The following ARID1A variants were observed in gnomAD, a reference collection of about 807,000 sequenced individuals.
ARID1A encodes the protein AT-rich interactive domain-containing protein 1A.
Under a neutral mutation model 212.6 loss-of-function variants are expected in ARID1A, and 20 were observed. That is an observed-to-expected ratio of 0.09 (90% CI 0.07 to 0.14). The LOEUF (loss-of-function observed/expected upper bound fraction) is 0.14. Among genes scored for constraint, ARID1A ranks in the 10% least tolerant of loss-of-function variants. The pLI is 1.00. For synonymous variants in ARID1A, 1,376 were observed against 1,222.1 expected, an observed-to-expected ratio of 1.13 and a Z score of -2.63; for missense variants, 2,587 against 3,059.0, an observed-to-expected ratio of 0.85 and a Z score of 3.64.
At chr1:26,739,758 C>CCCT (rs1385875903) in intron 4 of ARID1A, among the ~76,000 whole-genome samples, 4 of 152,148 alleles carry the variant, frequency 2.6e-5, no homozygotes, top group Non-Finnish European at 5.9e-5. Flanking sequence ...ATCACTGGAT[C>CCCT]CCTTCCTTTA....
rs1002119988 is a variant in ARID1A at position 26,781,974 on chromosome 1, T to C, written c.*1218T>C. 3 of 233,580 alleles carry C rather than the reference T, an allele frequency of 1.3e-5. No homozygotes were observed. Among genetic ancestry groups the C allele is most frequent in the Non-Finnish European group, 2.5e-5 (3 of 117,988 alleles). 14.5% of individuals were successfully genotyped at this position (233,580 alleles called of 1,614,324 possible). On this transcript the variant is annotated 3_prime_UTR_variant, in exon 20 of 20. Transcript: ENST00000324856. ...AATCTGCATATTTGTATTTCAACAATGTAGCTAAAACTTGATGTAAATTCC... is the reference window on the plus strand; with the variant it reads ...AATCTGCATATTTGTATTTCAACAACGTAGCTAAAACTTGATGTAAATTCC...
At chr1:26,749,227 A>G (rs1037085517) in intron 4 of ARID1A, among the ~76,000 whole-genome samples, 1 of 152,108 alleles carries the variant, frequency 6.6e-6, no homozygotes, top group Non-Finnish European at 1.5e-5. Context: ...TGTCTTGTGG[A>G]CTGCCCCGTG....
chr1:26,706,503 T>C (rs2080393527), intron 1 of ARID1A, among the ~76,000 whole-genome samples: 1 of 152,234 alleles, frequency 6.6e-6, no homozygotes, highest in Non-Finnish European at 1.5e-5. Flanking sequence ...CACAACGTGC[T>C]TGCCGGGCAT....
At chr1:26,767,725 C>T (rs2124085361) in intron 10 of ARID1A, 65 bp from the exon 11 acceptor site, 1 of 1,451,662 alleles carries the variant, frequency 6.9e-7, no homozygotes, top group South Asian at 1.3e-5. Context: ...CAAGAGACTT[C>T]TGAGACCCTT....
At chr1:26,705,625 A>G (rs2080384627) in intron 1 of ARID1A, among the ~76,000 whole-genome samples, 1 of 152,206 alleles carries the variant, frequency 6.6e-6, no homozygotes, top group African/African-American at 2.4e-5. Flanking sequence ...TATGGATTAC[A>G]GGTGTTTAGG....
chr1:26,747,176 C>T lies in ARID1A; in HGVS notation c.1921-13680C>T, dbSNP rs1256622577. Reference sequence around the variant, plus strand: ...ATGAAATCGATATGTATTCTGTTGCCATCCCTCTGGGGACCAGTGCTTGGT... The same window carrying T: ...ATGAAATCGATATGTATTCTGTTGCTATCCCTCTGGGGACCAGTGCTTGGT... On this transcript the variant is annotated intron_variant, in intron 4 of 19. Transcript: ENST00000324856. 2.0e-5 allele frequency among the ~76,000 whole-genome samples: 3 copies of T among 152,324 alleles called. No individual in the cohort carries two copies. In the East Asian group the frequency reaches 5.8e-4, roughly 29 times the overall value.
intron 11 of ARID1A, chr1:26,770,580 A>T (rs909892538): frequency 2.0e-5 from 3 of 153,298 alleles, no homozygotes; most frequent in Admixed American, 1.3e-4. Context: ...CAACATGGTG[A>T]AACCCCGTCT....
At chr1:26,764,374 T>C (rs1234595744) in intron 8 of ARID1A, 1 of 151,982 alleles carries the variant, frequency 6.6e-6, no homozygotes, top group East Asian at 1.9e-4. Context: ...TTAACTTCTA[T>C]CAGTCAACTT....
intron 1 of ARID1A, among the ~76,000 whole-genome samples, chr1:26,727,371 C>T (rs1454914158): frequency 2.0e-5 from 3 of 152,072 alleles, no homozygotes; most frequent in Admixed American, 2.0e-4. Flanking sequence ...CATAATAAGC[C>T]ACTAGCCACA....
In ARID1A at chr1:26,779,572, A is replaced by G. The variant is rs1447138233; in HGVS notation, c.5674A>G (p.Thr1892Ala). 1 of 1,614,132 alleles carries G rather than the reference A, an allele frequency of 6.2e-7. No homozygotes were observed. The highest frequency in any genetic ancestry group is 2.2e-5 in the East Asian group (1 of 44,868). Residue 1892 changes from threonine to alanine, a missense_variant, in exon 20 of 20, where the codon ACA (threonine) becomes GCA (alanine). By Grantham distance (58) the Thr-to-Ala change is moderately conservative. Transcript: ENST00000324856. Reference protein sequence around the residue: ...VTTAEGTPGTTDQEGPPPDGP... With the variant: ...VTTAEGTPGTADQEGPPPDGP... ...AACAGCAGAGGGTACACCAGGGACA[A>G]CAGACCAGGAGGGGCCCCCACCTGA... is the stretch of plus-strand genomic sequence containing the variant.
chr1:26,710,619 A>G (rs2080444549), intron 1 of ARID1A, among the ~76,000 whole-genome samples: 1 of 151,942 alleles, frequency 6.6e-6, no homozygotes. Context: ...GGTCCTGTTA[A>G]GAAGCACAGA....
chr1:26,714,294 C>G (rs1025825564), intron 1 of ARID1A, among the ~76,000 whole-genome samples: 1 of 138,064 alleles, frequency 7.2e-6, no homozygotes, highest in Non-Finnish European at 1.6e-5. Context: ...TACCAGCATA[C>G]TTTTGGAACT....
intron 1 of ARID1A, among the ~76,000 whole-genome samples, chr1:26,708,311 G>A (rs1167099926): frequency 9.9e-6 from 1 of 101,068 alleles, no homozygotes; most frequent in Non-Finnish European, 1.8e-5. Flanking sequence ...TTGAGACGGA[G>A]TCTTGCACTG....
At position 26,780,477 on chromosome 1, in the gene ARID1A, C is replaced by T. The variant is rs2081180881; in HGVS notation, c.6579C>T (p.Gly2193=). The change falls in exon 20 of 20, where the codon GGC becomes GGT. Residue 2193 remains glycine, a synonymous_variant. Transcript: ENST00000324856. This position sits in a 1 kb window ranked among gnomAD's most constrained non-coding sequence, Gnocchi z 7.2. ...TTGCAGTGCAGAAGGGCAGTATCGG[C>T]AACCTCCTGGGCTTCCTAGAGGACA... ...RAIAVQKGSI[G]NLLGFLEDSL... is the part of the protein sequence containing the mutation. 1 of 1,614,128 alleles carries T rather than the reference C, an allele frequency of 6.2e-7. No individual in the cohort carries two copies. Among genetic ancestry groups the T allele is most frequent in the African/African-American group, 1.3e-5 (1 of 74,946 alleles).
At position 26,696,184 on chromosome 1, in the gene ARID1A, C is replaced by T; in HGVS notation, c.-220C>T. On this transcript the variant is annotated 5_prime_UTR_variant, in exon 1 of 20. Coordinates refer to ENST00000324856, the MANE Select transcript of ARID1A (RefSeq NM_006015.6). Reference sequence around the variant, plus strand: ...GCAGCTGAGCCGCCGGCGCCTCGGCCGCCGCCGCCGCCTCCTCCTCCTCCG... The same window carrying T: ...GCAGCTGAGCCGCCGGCGCCTCGGCTGCCGCCGCCGCCTCCTCCTCCTCCG... 1.6e-6 allele frequency: 1 copy of T among 619,032 alleles called. No homozygotes were observed. The highest frequency in any genetic ancestry group is 2.2e-6 in the Non-Finnish European group (1 of 456,642). 38.3% of individuals were successfully genotyped at this position (619,032 alleles called of 1,614,324 possible).
chr1:26,723,715 C>T (rs532032694), intron 1 of ARID1A, among the ~76,000 whole-genome samples: 18 of 152,042 alleles, frequency 1.2e-4, no homozygotes, highest in Non-Finnish European at 2.6e-4. Flanking sequence ...TCTCAGTGGG[C>T]GGTTCCCAGC....
rs1483998772 is a variant in ARID1A at position 26,779,764 on chromosome 1, G to A, written c.5866G>A (p.Glu1956Lys). The A allele has an allele frequency of 6.2e-7, 1 of 1,614,136 alleles. No homozygotes were observed. The highest frequency in any genetic ancestry group is 1.1e-5 in the South Asian group (1 of 91,076). ...AQSHRNIKIL[E>K]DEPHSKDETP... ...GAGCCACCGGAACATCAAGATCCTA[G>A]AGGACGAACCCCACAGTAAGGATGA... Residue 1956 changes from glutamate (E) to lysine (K), a missense_variant, in exon 20 of 20, where the codon GAG (glutamate) becomes AAG (lysine). Around this residue, in one of 11 missense-constraint regions of ARID1A, gnomAD observed 890 missense variants for 1,098.2 expected, o/e 0.81. Coordinates refer to ENST00000324856, the MANE Select transcript of ARID1A (RefSeq NM_006015.6).
intron 1 of ARID1A, among the ~76,000 whole-genome samples, chr1:26,701,653 C>T (rs956850783): frequency 6.6e-6 from 1 of 152,202 alleles, no homozygotes; most frequent in Admixed American, 6.5e-5. Context: ...CATATCTGTG[C>T]TTCCATAGCT....
At chr1:26,703,259 A>G (rs1294399709) in intron 1 of ARID1A, among the ~76,000 whole-genome samples, 3 of 152,192 alleles carry the variant, frequency 2.0e-5, no homozygotes, top group Non-Finnish European at 4.4e-5. Flanking sequence ...TGAAATTGCC[A>G]TTTTAGGATT....
Sources: gnomAD v4.1 joint callset for allele counts (sites outside exome capture counted in the v4.1 genomes callset) on GRCh38, gnomAD v4.1.1 for gene constraint, gnomAD v4.1.1 regional missense constraint, Gnocchi (gnomAD v3.1) non-coding constraint, MANE v1.5 for transcripts, NCBI Gene and HGNC (gene_info 2026-07-23, HGNC 2026-07-21) for gene names.